The following LPAR6 variants were observed in gnomAD, a reference collection of about 807,000 sequenced individuals.
The protein encoded by LPAR6 is G-protein coupled purinergic receptor P2Y5.
Under a neutral mutation model 22.0 loss-of-function variants are expected in LPAR6, and 17 were observed. The ratio of observed to expected loss-of-function variants is 0.77; its 90% CI spans 0.53 to 1.16. LPAR6 has a LOEUF of 1.16. Ranked by LOEUF, LPAR6 falls within the 50% of genes most tolerant of loss-of-function variation. LPAR6 has a pLI of 0.00. For synonymous variants in LPAR6, 136 were observed against 139.8 expected (o/e 0.97, Z 0.19); for missense variants, 384 against 406.9 (o/e 0.94, Z 0.48).
chr13:48,442,382 TG>T (rs1949246770), intron 1 of LPAR6, among the ~76,000 whole-genome samples: 2 of 151,950 alleles, frequency 1.3e-5, no homozygotes, highest in African/African-American at 4.8e-5. Flanking sequence ...TTGTATTTTT[TG>T]TAGAGATGGG....
chr13:48,415,875 A>T (rs1948900406), upstream of LPAR6: 1 of 152,254 alleles, frequency 6.6e-6, no homozygotes, highest in African/African-American at 2.4e-5. Context: ...TTGGCCTCTA[A>T]TTAAGGAACC....
downstream of LPAR6, among the ~76,000 whole-genome samples, chr13:48,410,465 G>A (rs894112139): frequency 2.6e-5 from 4 of 152,162 alleles, no homozygotes; most frequent in African/African-American, 9.7e-5. Context: ...ACCTAAGCAA[G>A]CATCATAAGC....
At chr13:48,399,540 A>G (rs1948674736) in intron 1 of LPAR6, among the ~76,000 whole-genome samples, 1 of 152,056 alleles carries the variant, frequency 6.6e-6, no homozygotes, top group Admixed American at 6.6e-5. Flanking sequence ...ATCTAGGAAT[A>G]TAAGCTCAAT....
intron 1 of LPAR6, among the ~76,000 whole-genome samples, chr13:48,442,259 G>A (rs1228559726): frequency 1.3e-5 from 2 of 151,250 alleles, no homozygotes; most frequent in Non-Finnish European, 2.9e-5. Context: ...GGAGTGCAGT[G>A]GCACCATCTC....
At position 48,411,355 on chromosome 13, in the gene LPAR6, A is replaced by C. The variant is rs757950860; in HGVS notation, c.*34T>G. The stretch of plus-strand genomic sequence containing the variant: ...ACTTTTCACAGTTGAAGGAACTTGA[A>C]AGTTCTGTCCCAGTGAGTCCTAATG... On this transcript the variant is annotated 3_prime_UTR_variant, in exon 1 of 1. Transcript: ENST00000620633. 6.4e-7 allele frequency: 1 copy of C among 1,550,772 alleles called. No homozygotes were observed.
In LPAR6 at chr13:48,393,473, C is replaced by T. The variant is rs117920082; in HGVS notation, n.115-3661G>A. Among the ~76,000 whole-genome samples the T allele has an allele frequency of 5.5e-3, 844 of 152,262 alleles. 5 individuals are homozygous for T. Among genetic ancestry groups the T allele is most frequent in the Middle Eastern group, 0.01 (3 of 294 alleles). ...TTCTCCCAGGGATTGCTGTTCTGTA[C>T]TGCCTGTTGTTTATTGTGTAAAAAG... On this transcript the variant is annotated intron_variant and non_coding_transcript_variant, in intron 1 of 1. Coordinates refer to the LPAR6 transcript ENST00000462781.
intron 1 of LPAR6, among the ~76,000 whole-genome samples, chr13:48,434,938 G>A (rs928465300): frequency 1.3e-5 from 2 of 152,182 alleles, no homozygotes; most frequent in Admixed American, 1.3e-4. Context: ...TAGCATGAAT[G>A]TACTACAGTT....
chr13:48,434,981 G>T (rs754187549), intron 1 of LPAR6, among the ~76,000 whole-genome samples: 6 of 152,120 alleles, frequency 3.9e-5, no homozygotes, highest in Non-Finnish European at 7.4e-5. Flanking sequence ...AGAATATCAG[G>T]ACAGGTTCTA....
chr13:48,443,863 C>T (rs994930627), intron 1 of LPAR6, among the ~76,000 whole-genome samples: 1 of 151,990 alleles, frequency 6.6e-6, no homozygotes, highest in Non-Finnish European at 1.5e-5. Flanking sequence ...TGATGACATG[C>T]TATTGCTGAA....
At chr13:48,426,391 C>CT (rs1386357316) in intron 1 of LPAR6, among the ~76,000 whole-genome samples, 2 of 152,088 alleles carry the variant, frequency 1.3e-5, no homozygotes, top group African/African-American at 4.8e-5. Flanking sequence ...TTTGGTATGC[C>CT]TTTTTTAGCA....
chr13:48,431,954 G>T (rs866507018), intron 1 of LPAR6, among the ~76,000 whole-genome samples: 1 of 152,024 alleles, frequency 6.6e-6, no homozygotes, highest in African/African-American at 2.4e-5. Context: ...TTTTCTAGGT[G>T]CTGGGAATAT....
intron 2 of LPAR6, among the ~76,000 whole-genome samples, chr13:48,418,755 C>T (rs930099222): frequency 4.1e-5 from 6 of 147,518 alleles, no homozygotes; most frequent in Non-Finnish European, 7.5e-5. Flanking sequence ...TCTGATAAAA[C>T]AGACTTTAAA....
At chr13:48,409,570 ATTTTTTTT>A (rs5803435), downstream of LPAR6, among the ~76,000 whole-genome samples, 1 of 59,668 alleles carries the variant, frequency 1.7e-5, no homozygotes, top group Non-Finnish European at 2.9e-5. Flanking sequence ...GAACTGCTTG[ATTTTTTTT>A]TTTTTTTTTT....
chr13:48,402,379 C>CTTTTTT (rs545934425), intron 1 of LPAR6, among the ~76,000 whole-genome samples: 6 of 125,700 alleles, frequency 4.8e-5, no homozygotes, highest in Admixed American at 8.6e-5. Flanking sequence ...TGTAGAAAAC[C>CTTTTTT]TTTTTTTTTT....
At chr13:48,433,577 T>C (rs1305391726) in intron 1 of LPAR6, among the ~76,000 whole-genome samples, 1 of 152,130 alleles carries the variant, frequency 6.6e-6, no homozygotes, top group East Asian at 1.9e-4. Flanking sequence ...TGTATTTAAA[T>C]GAAACCATTT....
intron 1 of LPAR6, among the ~76,000 whole-genome samples, chr13:48,394,529 A>G (rs1948633362): frequency 1.3e-5 from 2 of 152,194 alleles, no homozygotes; most frequent in African/African-American, 4.8e-5. Flanking sequence ...CCATCACAGC[A>G]GTCTGAGGTC....
intron 1 of LPAR6, among the ~76,000 whole-genome samples, chr13:48,396,688 A>G (rs1251718109): frequency 1.3e-5 from 2 of 152,230 alleles, no homozygotes; most frequent in Non-Finnish European, 2.9e-5. Context: ...AGCAAAAGAA[A>G]CTATCTTCAG....
Position 48,411,703 on chromosome 13 carries a change from A to C in LPAR6, c.721T>G (p.Cys241Gly). ...AGATTGATATTGTAAGGAACAAAACAGAAACAGAATATGATCAAATGTACA... is the reference window on the plus strand; with the variant it reads ...AGATTGATATTGTAAGGAACAAAACCGAAACAGAATATGATCAAATGTACA... ...IFVHLIIFCF[C>G]FVPYNINLIL... The change falls in exon 1 of 1, where the codon TGT becomes GGT. Residue 241 changes from cysteine (C) to glycine (G), a missense_variant. Coordinates refer to ENST00000620633, the MANE Select transcript of LPAR6 (RefSeq NM_001162498.3). 6.2e-7 allele frequency: 1 copy of C among 1,607,612 alleles called. No homozygotes were observed. Among genetic ancestry groups the C allele is most frequent in the Non-Finnish European group, 8.5e-7 (1 of 1,174,308 alleles).
At chr13:48,430,077 A>G (rs1949114016), upstream of LPAR6, among the ~76,000 whole-genome samples, 2 of 152,192 alleles carry the variant, frequency 1.3e-5, no homozygotes, top group Non-Finnish European at 2.9e-5. Flanking sequence ...ATTTCTAAGA[A>G]AAAAATCCCC....
Sources: allele counts gnomAD v4.1 joint callset (sites outside exome capture counted in the v4.1 genomes callset), GRCh38; gene constraint gnomAD v4.1.1; transcripts MANE v1.5; gene names NCBI Gene and HGNC (gene_info 2026-07-23, HGNC 2026-07-21).